Variants in GRID2 observed in about 807,000 individuals in gnomAD.
GRID2 encodes the protein glutamate ionotropic receptor delta type subunit 2.
In GRID2, 33 loss-of-function variants were observed where a neutral mutation model predicts 114.8. The ratio of observed to expected loss-of-function variants is 0.29; its 90% CI spans 0.22 to 0.38. The LOEUF is 0.38. Among genes scored for constraint, GRID2 ranks in the 10% least tolerant of loss-of-function variants. The probability of loss-of-function intolerance (pLI) is 1.00; values close to 1 mark genes in which losing one functional copy is unlikely to be tolerated. For synonymous variants in GRID2, 505 were observed against 449.9 expected (o/e 1.12, Z -1.55); for missense variants, 1,184 against 1,257.7 (o/e 0.94, Z 0.89).
At chr4:93,000,935 C>T (rs998357034) in intron 2 of GRID2, among the ~76,000 whole-genome samples, 12 of 150,860 alleles carry the variant, frequency 8.0e-5, no homozygotes, top group Non-Finnish European at 1.5e-5. Flanking sequence ...ACTAAATATA[C>T]CCTGTGAATC....
At chr4:93,112,778 GAACTGTTCT>G (rs555946954) in intron 4 of GRID2, among the ~76,000 whole-genome samples, 10 of 152,122 alleles carry the variant, frequency 6.6e-5, no homozygotes, top group Non-Finnish European at 1.3e-4. Flanking sequence ...GTGAGGGAAG[GAACTGTTCT>G]AAGCCTCCCT....
chr4:93,001,756 A>G (rs1042646355), intron 2 of GRID2, among the ~76,000 whole-genome samples: 3 of 151,718 alleles, frequency 2.0e-5, no homozygotes, highest in Non-Finnish European at 4.4e-5. Context: ...AATTCATTCA[A>G]CATTTCAATG....
intron 14 of GRID2, among the ~76,000 whole-genome samples, chr4:93,750,805 A>C (rs1328240336): frequency 6.6e-6 from 1 of 152,196 alleles, no homozygotes; most frequent in East Asian, 1.9e-4. Flanking sequence ...ACATTTTATA[A>C]GAGTTAGGAT....
At chr4:92,361,607 A>G (rs1012670046) in intron 1 of GRID2, among the ~76,000 whole-genome samples, 13 of 151,938 alleles carry the variant, frequency 8.6e-5, no homozygotes, top group African/African-American at 2.9e-4. Context: ...AGCTAACTCT[A>G]CCTGGACAAT....
At chr4:92,351,129 A>G (rs1187142596) in intron 1 of GRID2, among the ~76,000 whole-genome samples, 1 of 151,822 alleles carries the variant, frequency 6.6e-6, no homozygotes, top group African/African-American at 2.4e-5. Flanking sequence ...TAATGTTGCT[A>G]TTAATATTTG....
At chr4:93,515,598 G>A (rs1381354677) in intron 13 of GRID2, among the ~76,000 whole-genome samples, 187 bp downstream of exon 13, 1 of 152,110 alleles carries the variant, frequency 6.6e-6, no homozygotes, top group Non-Finnish European at 1.5e-5. Context: ...AAAGTCCTCT[G>A]TAGTGTGTCT....
At chr4:92,725,088 G>T (rs1736005756) in intron 2 of GRID2, among the ~76,000 whole-genome samples, 1 of 152,040 alleles carries the variant, frequency 6.6e-6, no homozygotes. Flanking sequence ...ATCACTTGAG[G>T]CTGGGAGTTC....
chr4:92,535,763 C>T (rs935286920), intron 1 of GRID2, among the ~76,000 whole-genome samples: 1 of 152,202 alleles, frequency 6.6e-6, no homozygotes, highest in Non-Finnish European at 1.5e-5. Flanking sequence ...AAGAATGAAG[C>T]CACGGACCGT....
chr4:92,410,665 C>T (rs534047891), intron 1 of GRID2, among the ~76,000 whole-genome samples: 18 of 152,118 alleles, frequency 1.2e-4, no homozygotes, highest in Admixed American at 3.9e-4. Flanking sequence ...TGATCTTGAG[C>T]CTCTCTTACA....
chr4:93,714,318 A>G (rs148354382), intron 14 of GRID2, among the ~76,000 whole-genome samples: 1,643 of 152,056 alleles, frequency 0.011, 25 homozygotes, highest in African/African-American at 0.038. Context: ...TATGGGCCAC[A>G]TTTTCTTTAT....
At chr4:92,607,082 T>C (rs1729489946) in intron 2 of GRID2, among the ~76,000 whole-genome samples, 1 of 152,024 alleles carries the variant, frequency 6.6e-6, no homozygotes, top group South Asian at 2.1e-4. Flanking sequence ...GTTGAGTGTC[T>C]GAACTTACTC....
intron 8 of GRID2, among the ~76,000 whole-genome samples, chr4:93,250,061 C>A (rs1282688895): frequency 6.6e-6 from 1 of 152,136 alleles, no homozygotes; most frequent in Admixed American, 6.6e-5. Context: ...TTTATTGCAG[C>A]ACTGTTCACA....
chr4:93,282,440 C>T, intron 8 of GRID2: 1 of 431,316 alleles, frequency 2.3e-6, no homozygotes, highest in Non-Finnish European at 4.6e-6. Flanking sequence ...CTTGCTGCAT[C>T]ATCTTATGGA....
chr4:93,199,451 C>T (rs1320104922), intron 4 of GRID2, among the ~76,000 whole-genome samples: 4 of 152,122 alleles, frequency 2.6e-5, no homozygotes, highest in South Asian at 4.1e-4. Flanking sequence ...TAAGTCTCAG[C>T]GGTGGCATAT....
chr4:92,586,787 A>G (rs1163345771), intron 1 of GRID2, among the ~76,000 whole-genome samples: 1 of 152,040 alleles, frequency 6.6e-6, no homozygotes, highest in Non-Finnish European at 1.5e-5. Context: ...TTTCAGTAGC[A>G]TTACATGTAG....
At chr4:93,206,908 A>T (rs917985008) in intron 4 of GRID2, among the ~76,000 whole-genome samples, 4 of 152,100 alleles carry the variant, frequency 2.6e-5, no homozygotes, top group African/African-American at 9.7e-5. Context: ...TTTTCAGGAG[A>T]ATACAGAGCA....
chr4:92,349,634 C>T (rs1234985223), intron 1 of GRID2, among the ~76,000 whole-genome samples: 1 of 150,924 alleles, frequency 6.6e-6, no homozygotes, highest in African/African-American at 2.4e-5. Flanking sequence ...CATTTTAGCG[C>T]ATTATTTTGA....
intron 1 of GRID2, among the ~76,000 whole-genome samples, chr4:92,526,566 A>G (rs1053616142): frequency 2.0e-5 from 3 of 150,870 alleles, no homozygotes; most frequent in Non-Finnish European, 4.4e-5. Flanking sequence ...CTAGTCTTGA[A>G]CTCCTGCCCA....
At chr4:93,102,511 G>T (rs188054306) in intron 3 of GRID2, among the ~76,000 whole-genome samples, 2 of 151,946 alleles carry the variant, frequency 1.3e-5, no homozygotes, top group Admixed American at 1.3e-4. Context: ...TGAAAACATT[G>T]ATTTAATGTT....
Sources: gnomAD v4.1 joint callset for allele counts (sites outside exome capture counted in the v4.1 genomes callset) on GRCh38, gnomAD v4.1.1 for gene constraint, MANE v1.5 for transcripts, NCBI Gene and HGNC (gene_info 2026-07-23, HGNC 2026-07-21) for gene names.